Variants in USH2A observed in about 807,000 individuals in gnomAD.
USH2A encodes the protein usherin.
A neutral mutation model predicts 538.9 loss-of-function variants in USH2A; 443 were observed. That is an observed-to-expected ratio of 0.82 (90% CI 0.76 to 0.89). The LOEUF is 0.89. Ranked by LOEUF, USH2A falls within the 40% of genes least tolerant of loss-of-function variation. The pLI is 0.00. For missense variants in USH2A, 6,633 were observed against 6,324.8 expected, an observed-to-expected ratio of 1.05 and a Z score of -1.65; for synonymous variants, 2,413 against 2,273.5, an observed-to-expected ratio of 1.06 and a Z score of -1.75.
At chr1:216,297,603 A>G (rs2037132415) in intron 9 of USH2A, among the ~76,000 whole-genome samples, 1 of 152,116 alleles carries the variant, frequency 6.6e-6, no homozygotes. Flanking sequence ...CTCAAGTTTG[A>G]CCAGCACCAG....
intron 38 of USH2A, among the ~76,000 whole-genome samples, chr1:215,911,181 A>T (rs1665771843): frequency 6.6e-6 from 1 of 152,062 alleles, no homozygotes; most frequent in South Asian, 2.1e-4. Context: ...CATCCCCTCA[A>T]GAATTTATCC....
At position 216,292,310 on chromosome 1, in the gene USH2A, C is replaced by A. The variant is rs138739049; in HGVS notation, c.1705G>T (p.Ala569Ser). The change falls in exon 10 of 72, where the codon GCT (alanine) becomes TCT (serine). Residue 569 changes from alanine (A) to serine (S), a missense_variant. Physicochemically the swap from Ala to Ser is moderately conservative, Grantham distance 99. Transcript: ENST00000307340. ...KPFRQGDQVY[A>S]FNCKPCQCNS... ...CATTGACAAGGTTTACAATTGAAAG[C>A]GTAAACTTGATCACCTTGGCGGAAA... The A allele has an allele frequency of 1.2e-6, 2 of 1,613,958 alleles. No individual in the cohort carries two copies. Among genetic ancestry groups the A allele is most frequent in the Non-Finnish European group, 1.7e-6 (2 of 1,179,936 alleles).
In USH2A at chr1:216,247,181, C is replaced by T. The variant is rs762717349; in HGVS notation, c.2213G>A (p.Ser738Asn). ...HCNFGFKFLR[S>N]FNDVGCEPCQ... ...GGGCTCACATCCAACATCATTAAAG[C>T]TTCGGAGAAATTTAAATCCAAAATT... The change falls in exon 13 of 72, where the codon AGC becomes AAC. Residue 738 changes from serine to asparagine, a missense_variant. Ser to Asn is a conservative substitution (Grantham distance 46). Coordinates refer to ENST00000307340, the MANE Select transcript of USH2A (RefSeq NM_206933.4). 5.6e-6 allele frequency: 9 copies of T among 1,614,032 alleles called. No individual in the cohort carries two copies. Among genetic ancestry groups the T allele is most frequent in the Non-Finnish European group, 7.6e-6 (9 of 1,179,928 alleles).
chr1:215,924,436 G>C (rs1055002450), intron 38 of USH2A, among the ~76,000 whole-genome samples: 1 of 151,972 alleles, frequency 6.6e-6, no homozygotes, highest in South Asian at 2.1e-4. Flanking sequence ...TATATAGGCA[G>C]GTAAATGTTC....
At chr1:216,360,598 G>A (rs780088331) in intron 4 of USH2A, among the ~76,000 whole-genome samples, 19 of 152,042 alleles carry the variant, frequency 1.2e-4, no homozygotes, top group Non-Finnish European at 7.4e-5. Context: ...CCGCTCTGGT[G>A]AGGGATATTG....
At chr1:215,989,955 T>C (rs142504411) in intron 35 of USH2A, among the ~76,000 whole-genome samples, 2 of 152,176 alleles carry the variant, frequency 1.3e-5, no homozygotes, top group African/African-American at 4.8e-5. Context: ...TGGTGGAGCC[T>C]AGAATCTACT....
intron 21 of USH2A, among the ~76,000 whole-genome samples, chr1:216,151,132 C>T (rs2033823642): frequency 6.6e-6 from 1 of 152,222 alleles, no homozygotes; most frequent in South Asian, 2.1e-4. Context: ...TTTTCTCATA[C>T]ACCATGAAAA....
chr1:216,309,073 T>C (rs922212876), intron 9 of USH2A, among the ~76,000 whole-genome samples: 3 of 152,206 alleles, frequency 2.0e-5, no homozygotes, highest in African/African-American at 7.2e-5. Context: ...TAATGTCCCA[T>C]CATGCCTAGT....
At chr1:215,825,551 T>C (rs370157002) in intron 47 of USH2A, among the ~76,000 whole-genome samples, 22 of 152,184 alleles carry the variant, frequency 1.4e-4, no homozygotes, top group African/African-American at 4.8e-4. Context: ...TTTCAAAACA[T>C]TTTTGTTTGA....
intron 43 of USH2A, among the ~76,000 whole-genome samples, chr1:215,875,433 A>G (rs1021941873): frequency 6.6e-6 from 1 of 152,142 alleles, no homozygotes; most frequent in Non-Finnish European, 1.5e-5. Flanking sequence ...TGTTATCTGC[A>G]CACTTCCCTT....
intron 21 of USH2A, among the ~76,000 whole-genome samples, chr1:216,158,358 C>G (rs1030960322): frequency 3.5e-4 from 54 of 152,156 alleles, no homozygotes; most frequent in African/African-American, 1.3e-3. Context: ...ACCTCAGCCT[C>G]CTGAGTAACT....
At chr1:216,086,635 A>C in intron 24 of USH2A, 84 bp downstream of exon 24, 2 of 1,153,034 alleles carry the variant, frequency 1.7e-6, no homozygotes, top group Non-Finnish European at 2.5e-6. Context: ...GTAGAACATA[A>C]TACTTATTCT....
Position 215,925,255 on chromosome 1 carries a change from G to A in USH2A, c.7300+9361C>T, listed in dbSNP as rs114002755. 7.5e-3 allele frequency among the ~76,000 whole-genome samples: 1,143 copies of A among 152,148 alleles called. 10 individuals carry two copies. The highest frequency in any genetic ancestry group is 0.026 in the African/African-American group (1,070 of 41,514). On this transcript the variant is annotated intron_variant, in intron 38 of 71. Coordinates refer to ENST00000307340, the MANE Select transcript of USH2A (RefSeq NM_206933.4). The stretch of plus-strand genomic sequence containing the variant: ...TCATAAATCCTTTGGTTCTATTCTC[G>A]TACCTGGGAGAAAGCATGGGTTAAA...
intron 61 of USH2A, among the ~76,000 whole-genome samples, chr1:215,722,374 G>C (rs1659688663): frequency 6.6e-6 from 1 of 152,132 alleles, no homozygotes. Flanking sequence ...ATTAAAAAGA[G>C]TTGAAACTAA....
intron 43 of USH2A, among the ~76,000 whole-genome samples, chr1:215,872,376 T>A (rs1240899656): frequency 6.6e-6 from 1 of 152,196 alleles, no homozygotes; most frequent in East Asian, 1.9e-4. Context: ...TTGATCACAC[T>A]TGAATATTTT....
At chr1:216,366,501 G>T (rs891567265) in intron 3 of USH2A, among the ~76,000 whole-genome samples, 1 of 151,986 alleles carries the variant, frequency 6.6e-6, no homozygotes, top group African/African-American at 2.4e-5. Flanking sequence ...AAAAAGACTT[G>T]CAATAATTAA....
chr1:215,703,885 C>T (rs1002842859), intron 61 of USH2A, among the ~76,000 whole-genome samples: 1 of 152,162 alleles, frequency 6.6e-6, no homozygotes, highest in Non-Finnish European at 1.5e-5. Flanking sequence ...CTGCAGCTAC[C>T]TCAGTGTCTG....
At chr1:216,244,292 A>T (rs1558340000) in intron 13 of USH2A, among the ~76,000 whole-genome samples, 1 of 152,174 alleles carries the variant, frequency 6.6e-6, no homozygotes, top group Non-Finnish European at 1.5e-5. Flanking sequence ...GATGGGAGAA[A>T]GGGAATATCA....
chr1:216,407,586 T>C (rs1389540188), intron 3 of USH2A, among the ~76,000 whole-genome samples: 1 of 152,116 alleles, frequency 6.6e-6, no homozygotes. Context: ...CTCAAGTCCA[T>C]GTTTAAATAA....
Sources: allele counts gnomAD v4.1 joint callset (sites outside exome capture counted in the v4.1 genomes callset), GRCh38; gene constraint gnomAD v4.1.1; transcripts MANE v1.5; gene names NCBI Gene and HGNC (gene_info 2026-07-23, HGNC 2026-07-21).